The following EIF3C variants were observed in gnomAD, a reference collection of about 807,000 sequenced individuals.
EIF3C encodes cell migration-inducing protein 17.
EIF3C carries 2 observed loss-of-function variants against 11.1 expected under a neutral mutation model. The ratio of observed to expected loss-of-function variants is 0.18; its 90% CI spans 0.07 to 0.57. The LOEUF (loss-of-function observed/expected upper bound fraction) is 0.57. Ranked by LOEUF, EIF3C falls within the 20% of genes least tolerant of loss-of-function variation. The pLI is 0.92. For missense variants in EIF3C, 16 were observed against 114.6 expected (o/e 0.14, Z 3.93); for synonymous variants, 2 against 41.5 (o/e 0.05, Z 3.66).
At chr16:28,725,765 C>CGGG (rs1555491085) in intron 13 of EIF3C, among the ~76,000 whole-genome samples, 1 of 20,988 alleles carries the variant, frequency 4.8e-5, no homozygotes, top group East Asian at 1.2e-3. Context: ...GACTCCATCT[C>CGGG]AAAAAAAAAA....
In EIF3C at chr16:28,728,440, TCTCTTTTAGG is replaced by T. The variant is rs1233037990; in HGVS notation, c.1818+1196_1818+1205del. Among the ~76,000 whole-genome samples, 172 of 43,650 alleles carry T rather than the reference TCTCTTTTAGG, an allele frequency of 3.9e-3. 2 individuals are homozygous for T. Among genetic ancestry groups the T allele is most frequent in the African/African-American group, 0.011 (157 of 14,570 alleles). 28.6% of individuals were successfully genotyped at this position (43,650 alleles called of 152,430 possible). ...AAGATCTTTTAGGGGTGTGTGTGTG[TCTCTTTTAGG>T]GGGTGTGTGTGTATCTTTTAGGGGT... On this transcript the variant is annotated intron_variant, in intron 15 of 20. Coordinates refer to ENST00000331666, the MANE Select transcript of EIF3C (RefSeq NM_003752.5).
rs1182975277 is a variant in EIF3C, at chr16:28,691,124, G to A, written c.-31+2296G>A. ...CAGGAGACGGAGCTTGCAGTGAGCC[G>A]AGATAGTGCCACTGCACTCCAGCCT... is the stretch of plus-strand genomic sequence containing the variant. On this transcript the variant is annotated intron_variant, in intron 1 of 20. Transcript: ENST00000566501. Among the ~76,000 whole-genome samples, 5 of 20,218 alleles carry A rather than the reference G, an allele frequency of 2.5e-4. 1 individual carries two copies. Among genetic ancestry groups the A allele is most frequent in the Non-Finnish European group, 3.7e-4 (5 of 13,670 alleles). 13.3% of individuals were successfully genotyped at this position (20,218 alleles called of 152,430 possible).
intron 15 of EIF3C, among the ~76,000 whole-genome samples, chr16:28,729,790 T>A (rs944035945): frequency 4.8e-5 from 7 of 146,370 alleles, no homozygotes; most frequent in African/African-American, 1.8e-4. Context: ...CAAAACCCTG[T>A]CTCTACAAAA....
intron 15 of EIF3C, 173 bp downstream of exon 15, chr16:28,727,418 CAA>C (rs1279680945): frequency 2.8e-5 from 1 of 35,954 alleles, no homozygotes; most frequent in East Asian, 4.1e-4. Context: ...AATTTCGTGT[CAA>C]AAAAAAAAAT....
chr16:28,689,465 G>A lies in EIF3C; in HGVS notation c.-31+637G>A, dbSNP rs1173761159. Among the ~76,000 whole-genome samples the A allele has an allele frequency of 8.1e-5, 4 of 49,352 alleles. 1 individual carries two copies. Among genetic ancestry groups the A allele is most frequent in the South Asian group, 6.5e-4 (1 of 1,528 alleles). 32.4% of individuals were successfully genotyped at this position (49,352 alleles called of 152,430 possible). On this transcript the variant is annotated intron_variant, in intron 1 of 20. Transcript: ENST00000566501. ...TCCAAGGGAATGGGAACTGGACGTC[G>A]GTAATCTGTGATGTGCTGTGGCATC...
intron 1 of EIF3C, chr16:28,701,006 T>G: frequency 6.7e-6 from 1 of 150,190 alleles, no homozygotes; most frequent in South Asian, 1.0e-4. Context: ...GTTCAAGCGA[T>G]TCTCCTGCCT....
intron 2 of EIF3C, among the ~76,000 whole-genome samples, chr16:28,712,762 C>T (rs370065): frequency 0.19 from 26,004 of 137,762 alleles, 89 homozygotes; most frequent in Non-Finnish European, 0.26. Flanking sequence ...AATCCCAGCA[C>T]TTTGGGAGGC....
rs1282843013 is a variant in EIF3C, at chr16:28,699,458, G to GGGAGACGGAGAC, written c.-31+10648_-31+10659dup. Among the ~76,000 whole-genome samples the GGGAGACGGAGAC allele has an allele frequency of 8.5e-5, 8 of 94,540 alleles. 1 individual carries two copies. The highest frequency in any genetic ancestry group is 9.9e-5 in the Non-Finnish European group (5 of 50,670). 62.0% of individuals were successfully genotyped at this position (94,540 alleles called of 152,430 possible). On this transcript the variant is annotated intron_variant, in intron 1 of 20. Transcript: ENST00000566501. ...GCATGAGAGGGAGACCGTGGGGAGA[G>GGGAGACGGAGAC]GGAGACGGAGACGGAGACGGAGACG... is the stretch of plus-strand genomic sequence containing the variant.
chr16:28,711,991 G>A (rs955069017), intron 2 of EIF3C: 26 of 15,070 alleles, frequency 1.7e-3, no homozygotes, highest in Non-Finnish European at 2.6e-4. Flanking sequence ...CCAGGCACAA[G>A]GGATAGAATC....
chr16:28,698,228 G>A (rs1262839738), intron 1 of EIF3C, among the ~76,000 whole-genome samples: 196 of 81,914 alleles, frequency 2.4e-3, no homozygotes, highest in South Asian at 4.0e-3. Flanking sequence ...CTCACCTCCC[G>A]GACGGGGCGG....
chr16:28,696,274 G>A (rs28857545), intron 1 of EIF3C, among the ~76,000 whole-genome samples: 1 of 59,912 alleles, frequency 1.7e-5, no homozygotes, highest in Admixed American at 1.8e-4. Flanking sequence ...GCTGAGGCAG[G>A]AGAATCCCTT....
chr16:28,697,740 G>T (rs1370108063), intron 1 of EIF3C, among the ~76,000 whole-genome samples: 1 of 92,526 alleles, frequency 1.1e-5, no homozygotes, highest in Admixed American at 9.2e-5. Context: ...CGGTCAGAGG[G>T]GCTCCTCACT....
At position 28,697,324 on chromosome 16, in the gene EIF3C, G is replaced by T. The variant is rs1255888529; in HGVS notation, c.-31+8496G>T. Among the ~76,000 whole-genome samples the T allele has an allele frequency of 2.5e-4, 2 of 8,080 alleles. 1 individual carries two copies. The highest frequency in any genetic ancestry group is 3.7e-4 in the Non-Finnish European group (2 of 5,336). The allele number at this position is 8,080 out of a possible 152,430, so 5.3% of individuals were successfully genotyped here. The stretch of plus-strand genomic sequence containing the variant: ...CAAAGGTCTCTGGTTTTCCTAGGCA[G>T]AGGACCCTGCGGCCTTCCGCAGTGT... On this transcript the variant is annotated intron_variant, in intron 1 of 20. Transcript: ENST00000566501.
chr16:28,699,464 CGGAGACGGAGACGGAGACGGAGAG>C (rs2048267944), intron 1 of EIF3C, among the ~76,000 whole-genome samples: 1 of 77,832 alleles, frequency 1.3e-5, no homozygotes. Flanking sequence ...GAGAGGGAGA[CGGAGACGGAGACGGAGACGGAGAG>C]GGAGAGGGAG....
At chr16:28,699,978 C>T (rs1322668811) in intron 1 of EIF3C, among the ~76,000 whole-genome samples, 1 of 43,140 alleles carries the variant, frequency 2.3e-5, no homozygotes, top group Non-Finnish European at 4.4e-5. Flanking sequence ...TGGGGACCCT[C>T]CCCTCTACCT....
intron 15 of EIF3C, among the ~76,000 whole-genome samples, chr16:28,729,911 A>G (rs1248280390): frequency 6.6e-6 from 1 of 150,512 alleles, no homozygotes; most frequent in African/African-American, 2.4e-5. Context: ...AGGAGCCACG[A>G]TCACGCCACT....
intron 1 of EIF3C, among the ~76,000 whole-genome samples, chr16:28,699,482 C>CGGAGGG (rs2048268371): frequency 1.2e-5 from 1 of 84,796 alleles, no homozygotes; most frequent in African/African-American, 6.7e-5. Context: ...GAGACGGAGA[C>CGGAGGG]GGAGAGGGAG....
intron 1 of EIF3C, among the ~76,000 whole-genome samples, chr16:28,698,457 T>C (rs1162196159): frequency 1.9e-5 from 1 of 53,404 alleles, no homozygotes. Flanking sequence ...CCCTCCCGGA[T>C]GGCACGGCTG....
At chr16:28,698,379 G>A (rs1309218246) in intron 1 of EIF3C, among the ~76,000 whole-genome samples, 5 of 100,192 alleles carry the variant, frequency 5.0e-5, no homozygotes, top group Admixed American at 8.5e-5. Flanking sequence ...GGCCGGGTGG[G>A]GGGCTGACCC....
Sources: allele counts gnomAD v4.1 joint callset (sites outside exome capture counted in the v4.1 genomes callset), GRCh38; gene constraint gnomAD v4.1.1; transcripts MANE v1.5; gene names NCBI Gene and HGNC (gene_info 2026-07-23, HGNC 2026-07-21).